CSMD1: variants seen among roughly 807,000 people sequenced by gnomAD.
CSMD1 encodes the protein CUB and sushi domain-containing protein 1.
A neutral mutation model predicts 417.5 loss-of-function variants in CSMD1; 213 were observed. The observed-to-expected ratio is 0.51, with a 90% confidence interval of 0.46 to 0.57. CSMD1 has a LOEUF of 0.57. CSMD1 is among the 20% of genes least tolerant of loss of function. The pLI, the probability that CSMD1 is intolerant of heterozygous loss-of-function variation, is 0.00. For synonymous variants in CSMD1, 2,862 were observed against 1,736.8 expected (o/e 1.65, Z -16.11); for missense variants, 6,923 against 4,529.7 (o/e 1.53, Z -15.17).
intron 3 of CSMD1, among the ~76,000 whole-genome samples, chr8:4,104,589 T>A (rs566374969): frequency 6.6e-6 from 1 of 150,482 alleles, no homozygotes; most frequent in South Asian, 2.2e-4. Flanking sequence ...GAATTAATAA[T>A]TGCATGAGAA....
chr8:3,545,479 A>G (rs1189391673), intron 10 of CSMD1, among the ~76,000 whole-genome samples: 1 of 152,236 alleles, frequency 6.6e-6, no homozygotes, highest in East Asian at 1.9e-4. Context: ...GCCTAGGTCT[A>G]CAGACAATTT....
At chr8:3,104,447 G>C (rs542688854) in intron 46 of CSMD1, among the ~76,000 whole-genome samples, 4 of 152,200 alleles carry the variant, frequency 2.6e-5, no homozygotes, top group African/African-American at 7.2e-5. Context: ...CGTTTAAACA[G>C]ACGAGCAGGC....
At chr8:3,844,468 G>C (rs962659164) in intron 5 of CSMD1, among the ~76,000 whole-genome samples, 2 of 152,152 alleles carry the variant, frequency 1.3e-5, no homozygotes, top group African/African-American at 2.4e-5. Context: ...TTGATGTATG[G>C]ATTCAGAGAG....
chr8:4,434,589 G>C (rs138398909), intron 2 of CSMD1, among the ~76,000 whole-genome samples: 1 of 152,290 alleles, frequency 6.6e-6, no homozygotes, highest in African/African-American at 2.4e-5. Context: ...TCATGTTACA[G>C]TCAATGAAGC....
chr8:4,061,558 C>T (rs1381721804), intron 3 of CSMD1, among the ~76,000 whole-genome samples: 1 of 152,104 alleles, frequency 6.6e-6, no homozygotes, highest in Admixed American at 6.5e-5. Context: ...AGAATAATAA[C>T]CCTCATGCTC....
intron 3 of CSMD1, among the ~76,000 whole-genome samples, chr8:4,208,189 C>G (rs1331388401): frequency 1.3e-5 from 2 of 152,114 alleles, no homozygotes; most frequent in Non-Finnish European, 2.9e-5. Context: ...TGAAAATAGA[C>G]TCAGCTATGG....
intron 1 of CSMD1, among the ~76,000 whole-genome samples, chr8:4,826,106 C>G (rs1480695321): frequency 6.6e-6 from 1 of 151,884 alleles, no homozygotes; most frequent in African/African-American, 2.4e-5. Flanking sequence ...AATTGAATTA[C>G]CACATGATTC....
At chr8:3,747,489 A>G (rs1797117191) in intron 6 of CSMD1, among the ~76,000 whole-genome samples, 1 of 135,232 alleles carries the variant, frequency 7.4e-6, no homozygotes, top group African/African-American at 2.6e-5. Context: ...TAAACAAATC[A>G]TACGTTTGTT....
intron 37 of CSMD1, among the ~76,000 whole-genome samples, chr8:3,168,305 T>C (rs889715296): frequency 1.8e-4 from 27 of 152,324 alleles, no homozygotes; most frequent in Non-Finnish European, 3.4e-4. Context: ...GTAGTGTTTA[T>C]TGTAATTGAC....
chr8:4,097,547 A>G (rs1055171039), intron 3 of CSMD1, among the ~76,000 whole-genome samples: 2 of 152,220 alleles, frequency 1.3e-5, no homozygotes, highest in African/African-American at 4.8e-5. Flanking sequence ...CTCAAGACAG[A>G]AAGTCAGAGG....
At chr8:3,044,438 T>C (rs1563273296) in intron 50 of CSMD1, among the ~76,000 whole-genome samples, 1 of 152,202 alleles carries the variant, frequency 6.6e-6, no homozygotes, top group Non-Finnish European at 1.5e-5. Flanking sequence ...ATAAACAATT[T>C]AGTTTTTCAC....
intron 49 of CSMD1, among the ~76,000 whole-genome samples, chr8:3,065,042 T>C (rs1812828949): frequency 6.6e-6 from 1 of 152,256 alleles, no homozygotes; most frequent in Middle Eastern, 3.4e-3. Context: ...AGGCTAACTT[T>C]TTACTTAATG....
chr8:4,147,411 G>A (rs143800280), intron 3 of CSMD1, among the ~76,000 whole-genome samples: 90 of 152,110 alleles, frequency 5.9e-4, no homozygotes, highest in African/African-American at 2.0e-3. Context: ...ATGCTGCCCT[G>A]TCTAGAATGG....
chr8:3,827,054 T>C (rs1802095769), intron 5 of CSMD1, among the ~76,000 whole-genome samples: 1 of 152,214 alleles, frequency 6.6e-6, no homozygotes, highest in Admixed American at 6.5e-5. Context: ...AGTGTTGACA[T>C]TATAGGCATG....
intron 5 of CSMD1, among the ~76,000 whole-genome samples, chr8:3,946,012 G>C (rs1227391597): frequency 6.6e-6 from 1 of 152,018 alleles, no homozygotes; most frequent in Non-Finnish European, 1.5e-5. Flanking sequence ...CTTAAATTTT[G>C]CTCATAACAT....
At chr8:3,290,208 C>T (rs1372243084) in intron 25 of CSMD1, among the ~76,000 whole-genome samples, 3 of 147,296 alleles carry the variant, frequency 2.0e-5, no homozygotes, top group East Asian at 2.0e-4. Context: ...GTACCAGTAC[C>T]ATGCTGTTTT....
rs2117392391 is a variant in CSMD1 at position 3,308,301 on chromosome 8, T to A, written c.3823+11A>T. 1 of 1,593,564 alleles carries A rather than the reference T, an allele frequency of 6.3e-7. No homozygotes were observed. Among genetic ancestry groups the A allele is most frequent in the South Asian group, 1.1e-5 (1 of 90,010 alleles). On this transcript the variant is annotated intron_variant, in intron 24 of 69. Coordinates refer to ENST00000635120, the MANE Select transcript of CSMD1 (RefSeq NM_033225.6). ...GCTTTTGCACAATGGTATGACTGCT[T>A]CCACACTCACCTATGCACGAAGGTA...
intron 2 of CSMD1, among the ~76,000 whole-genome samples, chr8:4,484,317 A>T (rs553086725): frequency 1.7e-4 from 26 of 152,148 alleles, no homozygotes; most frequent in African/African-American, 5.8e-4. Context: ...TTTCTAAGTT[A>T]TCTGGATTTA....
chr8:3,240,161 C>T (rs73185533), intron 26 of CSMD1, among the ~76,000 whole-genome samples: 11,483 of 152,072 alleles, frequency 0.076, 605 homozygotes, highest in Non-Finnish European at 0.11. Context: ...CTACTCGGTG[C>T]GGTCCCGGTT....
Sources: gnomAD v4.1 joint callset for allele counts (sites outside exome capture counted in the v4.1 genomes callset) on GRCh38, gnomAD v4.1.1 for gene constraint, MANE v1.5 for transcripts, NCBI Gene and HGNC (gene_info 2026-07-23, HGNC 2026-07-21) for gene names.